Variants in NDE1 observed in about 807,000 individuals in gnomAD.
NDE1 encodes nuclear distribution protein nudE homolog 1.
NDE1 carries 28 observed loss-of-function variants against 43.4 expected under a neutral mutation model. The observed-to-expected ratio is 0.65, with a 90% CI of 0.48 to 0.89. The LOEUF (loss-of-function observed/expected upper bound fraction) is 0.89. Among genes scored for constraint, NDE1 ranks in the 40% least tolerant of loss-of-function variants. NDE1 has a pLI of 0.00. For missense variants in NDE1, 441 were observed against 434.1 expected (o/e 1.02, Z -0.14); for synonymous variants, 184 against 172.0 (o/e 1.07, Z -0.55).
chr16:15,703,602 G>C lies in NDE1; in HGVS notation c.947+6742G>C, dbSNP rs886051734. ...AGGGGTAGTAGGGGTGGTGGTGGTG[G>C]TGGTGGTTGAGACAGGGTCTCTGTT... On this transcript the variant is annotated intron_variant, in intron 8 of 8. Transcript: ENST00000396354. The C allele has an allele frequency of 2.9e-5, 11 of 383,430 alleles. No individual in the cohort carries two copies. Among genetic ancestry groups the C allele is most frequent in the Non-Finnish European group, 5.4e-5 (11 of 203,706 alleles). The allele number at this position is 383,430 out of a possible 1,614,324, so 23.8% of individuals were successfully genotyped here. A position where few individuals can be genotyped will look rare whatever the true frequency, so the allele number is the denominator to read the frequency against.
intron 8 of NDE1, chr16:15,715,088 CG>C (rs770909453): frequency 6.2e-7 from 1 of 1,606,038 alleles, no homozygotes; most frequent in South Asian, 1.1e-5. Context: ...CTGCCTGTCG[CG>C]GAGAGTTGGA....
chr16:15,659,500 G>A (rs1053072772), intron 1 of NDE1, among the ~76,000 whole-genome samples: 3 of 135,716 alleles, frequency 2.2e-5, no homozygotes, highest in Non-Finnish European at 3.1e-5. Flanking sequence ...GCAGTGGTGC[G>A]ATCTCGGCTC....
chr16:15,663,562 C>T (rs2037156347), intron 1 of NDE1, among the ~76,000 whole-genome samples: 1 of 152,076 alleles, frequency 6.6e-6, no homozygotes, highest in Admixed American at 6.6e-5. Flanking sequence ...CTTTCACATG[C>T]TCCTCATGTG....
At chr16:15,649,787 A>G (rs1649797428), upstream of NDE1, among the ~76,000 whole-genome samples, 1 of 152,230 alleles carries the variant, frequency 6.6e-6, no homozygotes, top group African/African-American at 2.4e-5. Context: ...GATGCTGAAG[A>G]TTCTACTTTT....
chr16:15,708,883 CAAG>C (rs1427807138), intron 8 of NDE1: 25 of 1,576,868 alleles, frequency 1.6e-5, no homozygotes, highest in East Asian at 4.5e-5. Flanking sequence ...CATCAGCAAA[CAAG>C]AAGGAGCCCG....
intron 4 of NDE1, among the ~76,000 whole-genome samples, chr16:15,685,288 A>C (rs1440376948): frequency 1.1e-4 from 17 of 152,038 alleles, no homozygotes. Flanking sequence ...AGGGTCTGGC[A>C]TTGTTACCCA....
rs141262029 is a variant in NDE1 at position 15,724,199 on chromosome 16, C to T, written c.956C>T (p.Thr319Met). Residue 319 changes from threonine to methionine, a missense_variant, in exon 9 of 9, where the codon ACG becomes ATG. Thr to Met is a moderately conservative substitution (Grantham distance 81). Transcript: ENST00000396354. ...CTCTGCTTCTTTTCCAGGTTGGACA[C>T]GAGTTGCCGCTGGTTGTCCAAATCA... ...SVPLGDKGLD[T>M]SCRWLSKSTT... The T allele has an allele frequency of 2.9e-5, 47 of 1,613,956 alleles. No homozygotes were observed. The highest frequency in any genetic ancestry group is 8.9e-5 in the East Asian group (4 of 44,902).
intron 3 of NDE1, among the ~76,000 whole-genome samples, chr16:15,670,666 AAAAAAAGAAAG>A (rs1269224128): frequency 6.6e-6 from 1 of 151,068 alleles, no homozygotes; most frequent in African/African-American, 2.5e-5. Context: ...TCAAAAAAAA[AAAAAAAGAAAG>A]AAAAAGAAAG....
intron 4 of NDE1, among the ~76,000 whole-genome samples, chr16:15,680,383 T>C (rs1567641991): frequency 6.6e-6 from 1 of 152,204 alleles, no homozygotes. Context: ...TGTTCTGTTT[T>C]TCTAAGCGTT....
In NDE1 at chr16:15,717,291, T is replaced by A. The variant is rs772663756; in HGVS notation, c.948-6900T>A. Reference sequence around the variant, plus strand: ...TGCCGCTCGAGCTGCTGCCGGGCACTCTCATTCTTCTGGGCCGTGCTGCGC... The same window carrying A: ...TGCCGCTCGAGCTGCTGCCGGGCACACTCATTCTTCTGGGCCGTGCTGCGC... On this transcript the variant is annotated intron_variant, in intron 8 of 8. Coordinates refer to ENST00000396354, the MANE Select transcript of NDE1 (RefSeq NM_017668.3). 63 of 1,613,202 alleles carry A rather than the reference T, an allele frequency of 3.9e-5. 2 individuals are homozygous for A. The Admixed American group carries it at 6.2e-4, about 16-fold the overall frequency.
At chr16:15,705,362 C>T (rs1458713312) in intron 8 of NDE1, among the ~76,000 whole-genome samples, 1 of 152,176 alleles carries the variant, frequency 6.6e-6, no homozygotes, top group African/African-American at 2.4e-5. Flanking sequence ...CGCTGGTTCT[C>T]TCTTGAGTTT....
chr16:15,718,137 C>A, intron 8 of NDE1: 1 of 967,044 alleles, frequency 1.0e-6, no homozygotes, highest in Non-Finnish European at 1.6e-6. Context: ...ATTCTGAAGA[C>A]AGCAGCCTGG....
Position 15,696,736 on chromosome 16 carries a change from C to A in NDE1, c.823C>A (p.Arg275=), listed in dbSNP as rs769264617. The change falls in exon 8 of 9, where the codon CGG becomes AGG. Residue 275 remains arginine (R), a synonymous_variant. Coordinates refer to ENST00000396354, the MANE Select transcript of NDE1 (RefSeq NM_017668.3). ...ACTGGAGTCCAAACTCGCTTCCTGC[C>A]GGAACCTCGTGTACGATCAGTCCCC... is the stretch of plus-strand genomic sequence containing the variant. The part of the protein sequence containing the change: ...GALESKLASC[R]NLVYDQSPNR... 6.2e-7 allele frequency: 1 copy of A among 1,614,192 alleles called. No individual in the cohort carries two copies. Among genetic ancestry groups the A allele is most frequent in the Non-Finnish European group, 8.5e-7 (1 of 1,180,028 alleles).
intron 8 of NDE1, among the ~76,000 whole-genome samples, chr16:15,702,645 A>AT (rs1326658389): frequency 1.3e-5 from 2 of 151,294 alleles, no homozygotes. Context: ...GCCTCAAGTG[A>AT]TTTTCCCATC....
At chr16:15,719,841 G>T (rs912098606) in intron 8 of NDE1, 5 of 1,349,540 alleles carry the variant, frequency 3.7e-6, no homozygotes, top group Non-Finnish European at 5.2e-6. Flanking sequence ...CCCATTGCAC[G>T]AGCATGGCTC....
intron 1 of NDE1, among the ~76,000 whole-genome samples, chr16:15,656,754 T>G (rs1207787678): frequency 6.6e-6 from 1 of 152,134 alleles, no homozygotes; most frequent in African/African-American, 2.4e-5. Flanking sequence ...TTGGCCAGGC[T>G]GGTCTCGAAC....
chr16:15,692,535 G>A (rs920128613), intron 6 of NDE1, among the ~76,000 whole-genome samples: 1 of 151,760 alleles, frequency 6.6e-6, no homozygotes, highest in African/African-American at 2.4e-5. Context: ...TCAGCCTCCT[G>A]AGTAAGCTTG....
At chr16:15,716,274 CTG>C (rs1567685957) in intron 8 of NDE1, among the ~76,000 whole-genome samples, 4 of 152,046 alleles carry the variant, frequency 2.6e-5, no homozygotes, top group African/African-American at 4.8e-5. Flanking sequence ...CTCAAAATGA[CTG>C]TGGTGATCGT....
intron 8 of NDE1, among the ~76,000 whole-genome samples, chr16:15,722,010 A>C (rs1461716024): frequency 1.3e-5 from 2 of 152,028 alleles, no homozygotes; most frequent in Non-Finnish European, 2.9e-5. Flanking sequence ...GGTGCCCACC[A>C]CCACACCTGG....
Sources: allele counts gnomAD v4.1 joint callset (sites outside exome capture counted in the v4.1 genomes callset), GRCh38; gene constraint gnomAD v4.1.1; transcripts MANE v1.5; gene names NCBI Gene and HGNC (gene_info 2026-07-23, HGNC 2026-07-21).